KCNIP4: variants seen among roughly 807,000 people sequenced by gnomAD.
The protein encoded by KCNIP4 is potassium voltage-gated channel interacting protein 4.
Under a neutral mutation model 34.0 loss-of-function variants are expected in KCNIP4, and 12 were observed. That is an observed-to-expected ratio of 0.35 (90% confidence interval 0.23 to 0.57). KCNIP4 has a LOEUF of 0.57. KCNIP4 is among the 20% of genes least tolerant of loss of function. KCNIP4 has a pLI of 0.83. For synonymous variants in KCNIP4, 124 were observed against 102.2 expected, an observed-to-expected ratio of 1.21 and a Z score of -1.29; for missense variants, 238 against 311.7, an observed-to-expected ratio of 0.76 and a Z score of 1.78.
At chr4:21,775,733 C>T (rs1334600142) in intron 1 of KCNIP4, among the ~76,000 whole-genome samples, 1 of 152,206 alleles carries the variant, frequency 6.6e-6, no homozygotes, top group African/African-American at 2.4e-5. Flanking sequence ...CCTGAAGAGG[C>T]ACTCTGGCCA....
At chr4:21,460,574 G>A (rs987824006) in intron 1 of KCNIP4, among the ~76,000 whole-genome samples, 4 of 151,982 alleles carry the variant, frequency 2.6e-5, no homozygotes, top group Non-Finnish European at 5.9e-5. Flanking sequence ...TTTTTGCTAC[G>A]TTCTAACATG....
chr4:21,513,621 G>A (rs542798926), intron 1 of KCNIP4, among the ~76,000 whole-genome samples: 1 of 152,312 alleles, frequency 6.6e-6, no homozygotes, highest in East Asian at 1.9e-4. Flanking sequence ...TTCCCCAGTG[G>A]TTTGCTGTGA....
chr4:21,561,747 T>C (rs995149671), intron 1 of KCNIP4, among the ~76,000 whole-genome samples: 4 of 152,016 alleles, frequency 2.6e-5, no homozygotes, highest in Non-Finnish European at 5.9e-5. Context: ...ATTGAGGATT[T>C]ACCTAGTTGC....
chr4:21,577,580 G>A (rs1034933896), intron 1 of KCNIP4, among the ~76,000 whole-genome samples: 6 of 152,044 alleles, frequency 3.9e-5, no homozygotes, highest in African/African-American at 9.7e-5. Context: ...ACAGTGAGCC[G>A]AGATCGCGCC....
chr4:21,444,177 T>G (rs1023230966), intron 1 of KCNIP4, among the ~76,000 whole-genome samples: 8 of 152,060 alleles, frequency 5.3e-5, no homozygotes, highest in Non-Finnish European at 7.4e-5. Context: ...TGGATTCACA[T>G]CCGAATTCTA....
chr4:21,353,493 T>C (rs1467388327), intron 1 of KCNIP4, among the ~76,000 whole-genome samples: 1 of 152,152 alleles, frequency 6.6e-6, no homozygotes, highest in Admixed American at 6.5e-5. Flanking sequence ...AAGAACTTCA[T>C]GATGCATACA....
chr4:21,467,388 T>C (rs761138184), intron 1 of KCNIP4, among the ~76,000 whole-genome samples: 1 of 152,072 alleles, frequency 6.6e-6, no homozygotes, highest in African/African-American at 2.4e-5. Flanking sequence ...TGGATTTGAG[T>C]CTGTTGTAGG....
rs1015407558 is a variant in KCNIP4 at position 20,802,253 on chromosome 4, C to T, written c.289-43363G>A. The stretch of plus-strand genomic sequence containing the variant: ...ATGCTACATATATGCTATATATATG[C>T]TACATATATGCTATATATATGCTAT... On this transcript the variant is annotated intron_variant, in intron 3 of 8. Coordinates refer to ENST00000382152, the MANE Select transcript of KCNIP4 (RefSeq NM_025221.6). Among the ~76,000 whole-genome samples the T allele has an allele frequency of 1.9e-4, 27 of 142,944 alleles. 1 individual carries two copies. Among genetic ancestry groups the T allele is most frequent in the African/African-American group, 6.4e-4 (25 of 38,808 alleles). 93.8% of individuals were successfully genotyped at this position (142,944 alleles called of 152,430 possible).
intron 1 of KCNIP4, among the ~76,000 whole-genome samples, chr4:21,661,460 C>CT (rs147999059): frequency 0.011 from 1,612 of 152,302 alleles, 33 homozygotes; most frequent in African/African-American, 0.037. Flanking sequence ...CTCACTCTGG[C>CT]TCCTGCACCT....
At chr4:21,144,586 G>C (rs16870447) in intron 1 of KCNIP4, among the ~76,000 whole-genome samples, 250 of 152,276 alleles carry the variant, frequency 1.6e-3, no homozygotes, top group African/African-American at 5.7e-3. Context: ...TCTTGGAGCT[G>C]AGAATTTGGC....
chr4:21,207,854 T>A (rs978779882), intron 1 of KCNIP4, among the ~76,000 whole-genome samples: 2 of 149,570 alleles, frequency 1.3e-5, no homozygotes, highest in African/African-American at 4.9e-5. Context: ...TTTTTTTTTT[T>A]TTTTCTGAGA....
intron 1 of KCNIP4, among the ~76,000 whole-genome samples, chr4:21,710,643 G>A (rs1045783538): frequency 5.3e-5 from 8 of 152,190 alleles, no homozygotes; most frequent in Non-Finnish European, 1.0e-4. Flanking sequence ...TGGAAGAGGA[G>A]GCAGTGGAAT....
At chr4:21,399,718 A>G (rs1027566194) in intron 1 of KCNIP4, among the ~76,000 whole-genome samples, 4 of 151,436 alleles carry the variant, frequency 2.6e-5, no homozygotes, top group East Asian at 1.9e-4. Context: ...GTGCAGTGGC[A>G]CGATCTCGGT....
intron 1 of KCNIP4, among the ~76,000 whole-genome samples, chr4:21,504,794 T>C (rs1214010228): frequency 6.6e-6 from 1 of 152,164 alleles, no homozygotes; most frequent in Non-Finnish European, 1.5e-5. Flanking sequence ...GTAACTGATA[T>C]TATGTTTTAA....
At chr4:21,109,656 C>T (rs1447081937) in intron 1 of KCNIP4, among the ~76,000 whole-genome samples, 6 of 152,220 alleles carry the variant, frequency 3.9e-5, no homozygotes, top group African/African-American at 1.4e-4. Context: ...GAACCTGGTA[C>T]CTCAGATGGA....
intron 1 of KCNIP4, among the ~76,000 whole-genome samples, chr4:21,133,991 C>T (rs1751302851): frequency 6.6e-6 from 1 of 152,086 alleles, no homozygotes; most frequent in South Asian, 2.1e-4. Flanking sequence ...TCTTCTTTCC[C>T]CAGTTGCTTG....
chr4:21,576,630 A>C (rs910360268), intron 1 of KCNIP4, among the ~76,000 whole-genome samples: 10 of 152,206 alleles, frequency 6.6e-5, no homozygotes, highest in Admixed American at 5.9e-4. Flanking sequence ...CCGATTACTC[A>C]TTTATCCAAA....
At position 21,299,933 on chromosome 4, in the gene KCNIP4, G is replaced by C. The variant is rs192796771; in HGVS notation, c.62-417224C>G. ...TACAGATATTTGCTAAATAAGGTGAGTTGAATAAATACAAAAGACAGCCTA... is the reference window on the plus strand; with the variant it reads ...TACAGATATTTGCTAAATAAGGTGACTTGAATAAATACAAAAGACAGCCTA... On this transcript the variant is annotated intron_variant, in intron 1 of 8. Coordinates refer to ENST00000382152, the MANE Select transcript of KCNIP4 (RefSeq NM_025221.6). Among the ~76,000 whole-genome samples, 364 of 152,228 alleles carry C rather than the reference G, an allele frequency of 2.4e-3. 2 individuals carry two copies. Among genetic ancestry groups the C allele is most frequent in the African/African-American group, 8.4e-3 (348 of 41,552 alleles).
intron 1 of KCNIP4, among the ~76,000 whole-genome samples, chr4:21,444,556 C>A (rs1180250097): frequency 6.6e-6 from 1 of 152,178 alleles, no homozygotes; most frequent in Non-Finnish European, 1.5e-5. Flanking sequence ...GCAGAAAAGG[C>A]TTTTGACAAA....
Sources: allele counts gnomAD v4.1 joint callset (sites outside exome capture counted in the v4.1 genomes callset), GRCh38; gene constraint gnomAD v4.1.1; transcripts MANE v1.5; gene names NCBI Gene and HGNC (gene_info 2026-07-23, HGNC 2026-07-21).